PLA2G4D: variants seen among roughly 807,000 people sequenced by gnomAD.
The protein encoded by PLA2G4D is phospholipase A2 group IVD, also known as cytosolic phospholipase A2 delta.
In PLA2G4D, 80 loss-of-function variants were observed where a neutral mutation model predicts 94.4. The observed-to-expected ratio is 0.85, with a 90% CI of 0.71 to 1.02. PLA2G4D has a LOEUF of 1.02. Among genes scored for constraint, PLA2G4D ranks in the 50% least tolerant of loss-of-function variants. The pLI is 0.00. For synonymous variants in PLA2G4D, 438 were observed against 440.9 expected (o/e 0.99, Z 0.08); for missense variants, 1,050 against 1,034.7 (o/e 1.01, Z -0.20).
chr15:42,083,725 C>T lies in PLA2G4D; in HGVS notation c.526G>A (p.Val176Met). 2 of 1,614,114 alleles carry T rather than the reference C, an allele frequency of 1.2e-6. No individual in the cohort carries two copies. The highest frequency in any genetic ancestry group is 8.5e-7 in the Non-Finnish European group (1 of 1,180,006). Residue 176 changes from valine to methionine, a missense_variant, in exon 7 of 20, where the codon GTG becomes ATG. Physicochemically the swap from Val to Met is conservative, Grantham distance 21. Transcript: ENST00000290472. The part of the protein sequence containing the change: ...VHLDSTGSTA[V>M]VADQDKLELE... Reference sequence around the variant, plus strand: ...TCTAAGCTGGTCTCACCTGCAACCACAGCGGTGCTCCCTGTGCTGTCCAGA... The same window carrying T: ...TCTAAGCTGGTCTCACCTGCAACCATAGCGGTGCTCCCTGTGCTGTCCAGA...
At chr15:42,088,425 G>A (rs1186056056) in intron 1 of PLA2G4D, among the ~76,000 whole-genome samples, 4 of 152,204 alleles carry the variant, frequency 2.6e-5, no homozygotes, top group African/African-American at 9.7e-5. Context: ...AGGAGGGAAA[G>A]CAGATGGCCA....
At chr15:42,071,420 C>T (rs773407760) in intron 16 of PLA2G4D, 24 bp downstream of exon 16, 3 of 1,597,150 alleles carry the variant, frequency 1.9e-6, no homozygotes, top group Non-Finnish European at 2.6e-6. Context: ...ATCCCAGGCC[C>T]CTCAGTGCCC....
At chr15:42,083,451 C>T (rs1450711429) in intron 7 of PLA2G4D, 117 bp from the exon 8 acceptor site, 2 of 1,439,822 alleles carry the variant, frequency 1.4e-6, no homozygotes, top group African/African-American at 1.4e-5. Flanking sequence ...GGGCCATCGT[C>T]AACAGCATTC....
chr15:42,085,508 C>T lies in PLA2G4D; in HGVS notation c.411G>A (p.Glu137=), dbSNP rs1890124338. ...TTACTCACGTTTCTTCCATCAGGAA[C>T]TCCACATCCAGCTCCTCCTCTCCCT... is the stretch of plus-strand genomic sequence containing the variant. ...SPQGEEELDV[E]FLMEETSDRP... The change falls in exon 5 of 20, where the codon GAG becomes GAA. Residue 137 remains glutamate, a synonymous_variant. Transcript: ENST00000290472. 2 of 1,614,160 alleles carry T rather than the reference C, an allele frequency of 1.2e-6. No individual in the cohort carries two copies.
rs1285671440 is a variant in PLA2G4D at position 42,072,946 on chromosome 15, T to C, written c.1318-554A>G. 3.3e-5 allele frequency among the ~76,000 whole-genome samples: 5 copies of C among 152,226 alleles called. No individual in the cohort carries two copies. In the South Asian group the frequency reaches 1.0e-3, roughly 32 times the overall value. The stretch of plus-strand genomic sequence containing the variant: ...TGCATAACATGAGGTTGTACCCCAT[T>C]GATTATTCTTGCCTTCTGTTCTTAA... On this transcript the variant is annotated intron_variant, in intron 13 of 19. Transcript: ENST00000290472.
At chr15:42,071,676 C>CAT in intron 15 of PLA2G4D, 98 bp downstream of exon 15, 4 of 1,421,758 alleles carry the variant, frequency 2.8e-6, no homozygotes, top group Non-Finnish European at 2.9e-6. Flanking sequence ...ACCCCTCCCC[C>CAT]TTGTCCTGAG....
Position 42,067,557 on chromosome 15 carries a change from A to AAGAAAG in PLA2G4D, c.*1152_*1157dup, listed in dbSNP as rs1451515235. The AAGAAAG allele has an allele frequency of 6.6e-6, 1 of 150,892 alleles. No individual in the cohort carries two copies. Among genetic ancestry groups the AAGAAAG allele is most frequent in the Admixed American group, 6.6e-5 (1 of 15,096 alleles). The allele number at this position is 150,892 out of a possible 1,614,324, so 9.3% of individuals were successfully genotyped here. ...AGATTCTGTCTCAAAAAAAAAAAAA[A>AAGAAAG]AGAAAGAAAAAGAAAAAGAAATGTG... is the stretch of plus-strand genomic sequence containing the variant. On this transcript the variant is annotated 3_prime_UTR_variant, in exon 20 of 20. Coordinates refer to ENST00000290472, the MANE Select transcript of PLA2G4D (RefSeq NM_178034.4).
intron 15 of PLA2G4D, 24 bp from the exon 16 acceptor site, chr15:42,071,575 G>A: frequency 6.3e-7 from 1 of 1,592,828 alleles, no homozygotes; most frequent in Non-Finnish European, 8.6e-7. Flanking sequence ...AAAGAGATCA[G>A]CCTCAGGCCC....
chr15:42,082,676 C>A (rs1165386014), intron 8 of PLA2G4D, among the ~76,000 whole-genome samples: 4 of 152,144 alleles, frequency 2.6e-5, no homozygotes, highest in African/African-American at 9.7e-5. Context: ...GTTTCTAATG[C>A]AACCAAAGGT....
intron 13 of PLA2G4D, among the ~76,000 whole-genome samples, chr15:42,075,835 C>T (rs544526575): frequency 1.4e-3 from 200 of 140,592 alleles, no homozygotes; most frequent in African/African-American, 5.0e-3. Flanking sequence ...TGCAGTGAGC[C>T]GATATTGTGC....
Position 42,086,194 on chromosome 15 carries a change from T to TGGGGGGGGGGGGGGGGCG in PLA2G4D, c.387+18_387+19insCGCCCCCCCCCCCCCCCC. ...GGAAGAAGTGGGGCCCACGGGGACTTCCCCACCCACCCACCCACCTGGGGA... is the reference window on the plus strand; with the variant it reads ...GGAAGAAGTGGGGCCCACGGGGACTTGGGGGGGGGGGGGGGGCGCCCCACCCACCCACCCACCTGGGGA... On this transcript the variant is annotated intron_variant, in intron 4 of 19. Coordinates refer to ENST00000290472, the MANE Select transcript of PLA2G4D (RefSeq NM_178034.4). The TGGGGGGGGGGGGGGGGCG allele has an allele frequency of 2.2e-6, 3 of 1,370,428 alleles. No individual in the cohort carries two copies. Among genetic ancestry groups the TGGGGGGGGGGGGGGGGCG allele is most frequent in the Non-Finnish European group, 2.9e-6 (3 of 1,043,068 alleles). 84.9% of individuals were successfully genotyped at this position (1,370,428 alleles called of 1,614,324 possible).
rs201212065 is a variant in PLA2G4D at position 42,072,257 on chromosome 15, G to T, written c.1435+18C>A. ...TTGGGGGGTGGAGTATGTGGGAGGGGAGTAGGTAGAACTGTACCCTTGAAG... is the reference window on the plus strand; with the variant it reads ...TTGGGGGGTGGAGTATGTGGGAGGGTAGTAGGTAGAACTGTACCCTTGAAG... On this transcript the variant is annotated intron_variant, in intron 14 of 19. Coordinates refer to ENST00000290472, the MANE Select transcript of PLA2G4D (RefSeq NM_178034.4). 1.2e-4 allele frequency: 194 copies of T among 1,592,254 alleles called. No individual in the cohort carries two copies. Among genetic ancestry groups the T allele is most frequent in the Non-Finnish European group, 6.7e-5 (78 of 1,161,010 alleles).
At chr15:42,071,675 C>T (rs1333395026) in intron 15 of PLA2G4D, 99 bp downstream of exon 15, 7 of 1,407,140 alleles carry the variant, frequency 5.0e-6, no homozygotes, top group Middle Eastern at 2.1e-4. Context: ...CACCCCTCCC[C>T]CTTGTCCTGA....
Position 42,067,339 on chromosome 15 carries a change from C to G in PLA2G4D, c.*1376G>C, listed in dbSNP as rs1282839173. The G allele has an allele frequency of 6.6e-6, 1 of 152,168 alleles. No individual in the cohort carries two copies. The highest frequency in any genetic ancestry group is 1.5e-5 in the Non-Finnish European group (1 of 68,062). The allele number at this position is 152,168 out of a possible 1,614,324, so 9.4% of individuals were successfully genotyped here. Reference sequence around the variant, plus strand: ...TTGCTTGAGTTCAGGAGTTCAAGACCAGCCTGGGCAACATGGTGAGACCTC... The same window carrying G: ...TTGCTTGAGTTCAGGAGTTCAAGACGAGCCTGGGCAACATGGTGAGACCTC... On this transcript the variant is annotated 3_prime_UTR_variant, in exon 20 of 20. Coordinates refer to ENST00000290472, the MANE Select transcript of PLA2G4D (RefSeq NM_178034.4).
In PLA2G4D at chr15:42,071,612, T is replaced by G. The variant is rs922782117; in HGVS notation, c.1574-61A>C. 7 of 1,534,616 alleles carry G rather than the reference T, an allele frequency of 4.6e-6. No homozygotes were observed. In the African/African-American group the frequency reaches 9.6e-5, roughly 21 times the overall value. ...AGCCAGCGGCCCCACCCTCAGGTAC[T>G]GATGGAAAATGGGAGTGGGGCGAGG... On this transcript the variant is annotated intron_variant, in intron 15 of 19. Transcript: ENST00000290472.
intron 1 of PLA2G4D, among the ~76,000 whole-genome samples, chr15:42,088,309 A>T (rs1890190662): frequency 6.6e-6 from 1 of 152,214 alleles, no homozygotes; most frequent in African/African-American, 2.4e-5. Context: ...GCCACTGTGT[A>T]TTAAGATGCT....
chr15:42,070,771 G>A lies in PLA2G4D; in HGVS notation c.1989C>T (p.Gly663=). 6.3e-7 allele frequency: 1 copy of A among 1,593,222 alleles called. No individual in the cohort carries two copies. The highest frequency in any genetic ancestry group is 8.6e-7 in the Non-Finnish European group (1 of 1,169,216). Residue 663 remains glycine, a synonymous_variant, in exon 18 of 20, where the codon GGC becomes GGT. Coordinates refer to ENST00000290472, the MANE Select transcript of PLA2G4D (RefSeq NM_178034.4). ...AGGAGAGGATGAGGTCCAGCCTGCG[G>A]CCTGGCCGGAACATGGAGGGAGAGC... ...NTSSPSMFRP[G]RRLDLILSFD...
intron 8 of PLA2G4D, among the ~76,000 whole-genome samples, chr15:42,082,661 T>C (rs1159259592): frequency 6.6e-6 from 1 of 152,166 alleles, no homozygotes; most frequent in Non-Finnish European, 1.5e-5. Context: ...TGGTGTGATA[T>C]GACAGTTTCT....
rs1409741662 is a variant in PLA2G4D, at chr15:42,079,827, C to T, written c.1095-68G>A. 20 of 1,481,500 alleles carry T rather than the reference C, an allele frequency of 1.3e-5. No homozygotes were observed. The Admixed American group carries it at 4.4e-4, about 32-fold the overall frequency. The allele number at this position is 1,481,500 out of a possible 1,614,324, so 91.8% of individuals were successfully genotyped here. On this transcript the variant is annotated intron_variant, in intron 12 of 19. Coordinates refer to ENST00000290472, the MANE Select transcript of PLA2G4D (RefSeq NM_178034.4). ...GCATGGGGCGCTGCAACTCCTGCTT[C>T]CCACTCGGCAGCTTCTCCTGACACG...
Sources: gnomAD v4.1 joint callset for allele counts (sites outside exome capture counted in the v4.1 genomes callset) on GRCh38, gnomAD v4.1.1 for gene constraint, MANE v1.5 for transcripts, NCBI Gene and HGNC (gene_info 2026-07-23, HGNC 2026-07-21) for gene names.